The following RNF38 variants were observed in gnomAD, a reference collection of about 807,000 sequenced individuals.
RNF38 encodes the protein E3 ubiquitin-protein ligase RNF38.
Under a neutral mutation model 67.2 loss-of-function variants are expected in RNF38, and 15 were observed. The observed-to-expected ratio is 0.22, with a 90% CI of 0.15 to 0.34. The LOEUF is 0.34. RNF38 is among the 10% of genes least tolerant of loss of function. The pLI is 1.00. For synonymous variants in RNF38, 220 were observed against 218.8 expected (o/e 1.01, Z -0.05); for missense variants, 524 against 639.9 (o/e 0.82, Z 1.95).
intron 1 of RNF38, among the ~76,000 whole-genome samples, chr9:36,458,726 G>A (rs145752747): frequency 0.013 from 1,949 of 151,712 alleles, 33 homozygotes; most frequent in African/African-American, 0.044. Flanking sequence ...AACACTCACC[G>A]CGAGGGTCCG....
At chr9:36,485,069 T>C (rs1840371815) in intron 1 of RNF38, among the ~76,000 whole-genome samples, 1 of 152,102 alleles carries the variant, frequency 6.6e-6, no homozygotes, top group Admixed American at 6.5e-5. Flanking sequence ...CTCGGGAGGC[T>C]GAGGCAGGAG....
At chr9:36,357,298 G>A (rs1448912907) in intron 5 of RNF38, among the ~76,000 whole-genome samples, 2 of 152,142 alleles carry the variant, frequency 1.3e-5, no homozygotes, top group Admixed American at 6.6e-5. Flanking sequence ...ACTAGAAAAT[G>A]GGGGATGATG....
At chr9:36,397,578 T>A (rs188164478) in intron 1 of RNF38, among the ~76,000 whole-genome samples, 65 of 152,198 alleles carry the variant, frequency 4.3e-4, no homozygotes, top group Admixed American at 3.7e-3. Context: ...CCCATCTCTT[T>A]CTGAGAGCAC....
chr9:36,445,666 C>G (rs1839283349), intron 1 of RNF38, among the ~76,000 whole-genome samples: 2 of 152,188 alleles, frequency 1.3e-5, no homozygotes, highest in African/African-American at 4.8e-5. Flanking sequence ...AGAGAACTAG[C>G]TGGTAAAAGA....
chr9:36,384,671 T>C (rs991415039), intron 2 of RNF38, among the ~76,000 whole-genome samples: 1 of 152,234 alleles, frequency 6.6e-6, no homozygotes, highest in African/African-American at 2.4e-5. Flanking sequence ...CTTAAATAAA[T>C]GTGGTTATGT....
chr9:36,479,824 T>C (rs945037165), intron 1 of RNF38, among the ~76,000 whole-genome samples: 3 of 152,092 alleles, frequency 2.0e-5, no homozygotes, highest in African/African-American at 7.2e-5. Flanking sequence ...CAGCCGGGCA[T>C]AGTGGCTCAT....
intron 3 of RNF38, among the ~76,000 whole-genome samples, chr9:36,374,793 G>C (rs1835665341): frequency 6.6e-6 from 1 of 152,160 alleles, no homozygotes. Context: ...CTTCTTAAAG[G>C]ACATTAATCC....
At chr9:36,462,539 AC>A (rs1408179642) in intron 1 of RNF38, among the ~76,000 whole-genome samples, 1 of 152,144 alleles carries the variant, frequency 6.6e-6, no homozygotes, top group Non-Finnish European at 1.5e-5. Context: ...TTACCTCTGA[AC>A]ACTCCTGTTC....
At chr9:36,370,007 A>C (rs1587530547) in intron 3 of RNF38, 75 bp from the exon 4 acceptor site, 1 of 1,198,522 alleles carries the variant, frequency 8.3e-7, no homozygotes, top group Non-Finnish European at 1.2e-6. Context: ...TTTCTTTGAT[A>C]TCTATCAATA....
chr9:36,416,033 C>A (rs1014952022), intron 2 of RNF38, among the ~76,000 whole-genome samples: 7 of 151,792 alleles, frequency 4.6e-5, no homozygotes, highest in African/African-American at 1.7e-4. Context: ...GATAAGTATT[C>A]TGATTTATCA....
intron 2 of RNF38, among the ~76,000 whole-genome samples, chr9:36,388,610 CCAA>C (rs1836823967): frequency 6.6e-6 from 1 of 152,066 alleles, no homozygotes; most frequent in Non-Finnish European, 1.5e-5. Context: ...AGCCACACAC[CCAA>C]CTCCTCATGC....
Position 36,351,203 on chromosome 9 carries a change from C to A in RNF38, c.1179-4G>T. On this transcript the variant is annotated splice_region_variant and splice_polypyrimidine_tract_variant and intron_variant, in intron 8 of 11. Coordinates refer to ENST00000259605, the MANE Select transcript of RNF38 (RefSeq NM_022781.5). ...AGGTGGCACTGGAAGCATTGATCTG[C>A]AGTGAAAACAATCACACTAGCATTG... The A allele has an allele frequency of 1.2e-6, 2 of 1,604,620 alleles. No individual in the cohort carries two copies.
chr9:36,390,368 C>G (rs1036962415), intron 2 of RNF38, 99 bp downstream of exon 2: 1 of 999,342 alleles, frequency 1.0e-6, no homozygotes, highest in Non-Finnish European at 1.4e-6. Flanking sequence ...CAACAGAAAA[C>G]AAGGAGACGA....
intron 9 of RNF38, among the ~76,000 whole-genome samples, chr9:36,346,781 C>T (rs960324534): frequency 6.6e-6 from 1 of 152,000 alleles, no homozygotes; most frequent in Non-Finnish European, 1.5e-5. Context: ...TAATTTGTTC[C>T]CCTTTCACTA....
intron 6 of RNF38, among the ~76,000 whole-genome samples, chr9:36,353,944 T>C (rs1410242383): frequency 6.6e-6 from 1 of 152,160 alleles, no homozygotes; most frequent in African/African-American, 2.4e-5. Flanking sequence ...TAGTTAACAC[T>C]GGGAAACAAG....
In RNF38 at chr9:36,351,192, G is replaced by T. The variant is rs1481542461; in HGVS notation, c.1186C>A (p.Leu396Ile). 2 of 1,609,376 alleles carry T rather than the reference G, an allele frequency of 1.2e-6. No homozygotes were observed. Among genetic ancestry groups the T allele is most frequent in the Admixed American group, 1.7e-5 (1 of 59,876 alleles). ...GGGCCCACTGCAGGTGGCACTGGAA[G>T]CATTGATCTGCAGTGAAAACAATCA... ...PSLLPYVLSM[L>I]PVPPAVGPTF... The change falls in exon 9 of 12, where the codon CTT becomes ATT. Residue 396 changes from leucine (L) to isoleucine (I), a missense_variant. By Grantham distance (5) the Leu-to-Ile change is conservative (BLOSUM62 2). Transcript: ENST00000259605.
At chr9:36,456,968 A>G (rs1839609302) in intron 1 of RNF38, among the ~76,000 whole-genome samples, 1 of 152,146 alleles carries the variant, frequency 6.6e-6, no homozygotes. Flanking sequence ...GTTTTTTTGT[A>G]GCAGAAAAGA....
upstream of RNF38, chr9:36,401,344 C>A: frequency 2.4e-6 from 1 of 418,738 alleles, no homozygotes; most frequent in Non-Finnish European, 3.2e-6. Flanking sequence ...GGCCCTGTTC[C>A]AATTCCTATA....
chr9:36,338,816 A>G lies in RNF38; in HGVS notation c.*936T>C, dbSNP rs1832636664. 1 of 152,688 alleles carries G rather than the reference A, an allele frequency of 6.5e-6. No individual in the cohort carries two copies. Among genetic ancestry groups the G allele is most frequent in the African/African-American group, 2.4e-5 (1 of 41,474 alleles). The allele number at this position is 152,688 out of a possible 1,614,324, so 9.5% of individuals were successfully genotyped here. ...ACTTACTGGAAATGTAAAGGAAAAA[A>G]AAGTATCAACATTCAAATCACTGAT... On this transcript the variant is annotated 3_prime_UTR_variant, in exon 12 of 12. Coordinates refer to ENST00000259605, the MANE Select transcript of RNF38 (RefSeq NM_022781.5).
Sources: allele counts gnomAD v4.1 joint callset (sites outside exome capture counted in the v4.1 genomes callset), GRCh38; gene constraint gnomAD v4.1.1; transcripts MANE v1.5; gene names NCBI Gene and HGNC (gene_info 2026-07-23, HGNC 2026-07-21).